GRIN2B: variants seen among roughly 807,000 people sequenced by gnomAD.
The protein encoded by GRIN2B is glutamate ionotropic receptor NMDA type subunit 2B.
Under a neutral mutation model 114.5 loss-of-function variants are expected in GRIN2B, and 5 were observed. The observed-to-expected ratio is 0.04, with a 90% CI of 0.02 to 0.09. The LOEUF is 0.09. Ranked by LOEUF, GRIN2B falls within the 10% of genes least tolerant of loss-of-function variation. The probability of loss-of-function intolerance (pLI) is 1.00; values close to 1 mark genes in which losing one functional copy is unlikely to be tolerated. For synonymous variants in GRIN2B, 787 were observed against 745.1 expected (o/e 1.06, Z -0.92); for missense variants, 1,108 against 1,943.5 (o/e 0.57, Z 8.08).
At chr12:13,790,425 A>G (rs992676287) in intron 3 of GRIN2B, among the ~76,000 whole-genome samples, 4 of 152,214 alleles carry the variant, frequency 2.6e-5, no homozygotes, top group African/African-American at 7.2e-5. Context: ...CACATTTAAT[A>G]GAAACAAAGA....
At chr12:13,736,785 C>T (rs1000189158) in intron 4 of GRIN2B, among the ~76,000 whole-genome samples, 3 of 152,000 alleles carry the variant, frequency 2.0e-5, no homozygotes, top group South Asian at 2.1e-4. Context: ...TTTGGGAGGC[C>T]AAGGCGGGTG....
intron 4 of GRIN2B, among the ~76,000 whole-genome samples, chr12:13,702,560 C>T (rs969007610): frequency 1.1e-4 from 16 of 151,764 alleles, no homozygotes; most frequent in African/African-American, 3.4e-4. Flanking sequence ...ATAAGCATTA[C>T]GATTTGAACA....
At chr12:13,721,279 G>A (rs1411317763) in intron 4 of GRIN2B, among the ~76,000 whole-genome samples, 1 of 151,960 alleles carries the variant, frequency 6.6e-6, no homozygotes, top group African/African-American at 2.4e-5. Flanking sequence ...AGTAAGGCAG[G>A]GAAGGTGTTG....
At chr12:13,657,361 C>T (rs965271117) in intron 5 of GRIN2B, among the ~76,000 whole-genome samples, 1 of 152,086 alleles carries the variant, frequency 6.6e-6, no homozygotes, top group African/African-American at 2.4e-5. Context: ...CCCAGGTGCT[C>T]ATCTATTATT....
chr12:13,754,544 A>G (rs773997780), intron 3 of GRIN2B, among the ~76,000 whole-genome samples: 2 of 151,564 alleles, frequency 1.3e-5, no homozygotes, highest in African/African-American at 2.4e-5. Context: ...AGGGAGAAGT[A>G]TACGTAGTAT....
At chr12:13,819,745 T>G (rs1413613531) in intron 3 of GRIN2B, among the ~76,000 whole-genome samples, 4 of 152,194 alleles carry the variant, frequency 2.6e-5, no homozygotes, top group Admixed American at 2.0e-4. Flanking sequence ...TTCACATTAG[T>G]TCATATTTTA....
chr12:13,640,479 G>A (rs1047201314), intron 5 of GRIN2B, among the ~76,000 whole-genome samples: 9 of 152,016 alleles, frequency 5.9e-5, no homozygotes, highest in Non-Finnish European at 8.8e-5. Context: ...CCCCATAGCT[G>A]TTGTCTCTGG....
chr12:13,694,484 T>C (rs1366757086), intron 4 of GRIN2B, among the ~76,000 whole-genome samples: 1 of 151,566 alleles, frequency 6.6e-6, no homozygotes, highest in Non-Finnish European at 1.5e-5. Context: ...TGTTACCTAA[T>C]ATAATCCCAT....
intron 2 of GRIN2B, among the ~76,000 whole-genome samples, chr12:13,904,260 C>T (rs1866503281): frequency 6.6e-6 from 1 of 151,798 alleles, no homozygotes; most frequent in Non-Finnish European, 1.5e-5. Context: ...AATATTTTAT[C>T]ATTTTTTATT....
intron 2 of GRIN2B, among the ~76,000 whole-genome samples, chr12:13,894,292 C>T (rs903123194): frequency 6.6e-6 from 1 of 152,070 alleles, no homozygotes; most frequent in Admixed American, 6.6e-5. Context: ...ATGTTCATTG[C>T]AACATCATTT....
intron 3 of GRIN2B, among the ~76,000 whole-genome samples, chr12:13,855,061 A>AAAAAAAAAAAAAG (rs1296544059): frequency 6.6e-6 from 1 of 150,596 alleles, no homozygotes; most frequent in African/African-American, 2.4e-5. Flanking sequence ...AAAAAAAAAA[A>AAAAAAAAAAAAAG]AAAAAAAATT....
chr12:13,799,363 A>G (rs1864467470), intron 3 of GRIN2B, among the ~76,000 whole-genome samples: 1 of 152,176 alleles, frequency 6.6e-6, no homozygotes, highest in African/African-American at 2.4e-5. Context: ...TGGTTCCCTC[A>G]GTCTCTTTCG....
rs367543147 is a variant in GRIN2B, at chr12:13,866,195, G to A, written c.14C>T (p.Ala5Val). The A allele has an allele frequency of 1.8e-5, 29 of 1,608,786 alleles. No homozygotes were observed. Among genetic ancestry groups the A allele is most frequent in the Middle Eastern group, 3.3e-4 (2 of 6,058 alleles). The change falls in exon 3 of 14, where the codon GCG (alanine) becomes GTG (valine). Residue 5 changes from alanine (A) to valine (V), a missense_variant. Physicochemically the swap from Ala to Val is moderately conservative, Grantham distance 64. This residue lies in a region of GRIN2B where 46 missense variants were observed against 44.4 expected (regional missense o/e 1.04). Transcript: ENST00000609686. MKPR[A>V]ECCSPKFWLV... ...CCAGAACTTGGGAGAACAGCACTCCGCTCTGGGCTTCATCTTCAACTCGTC... is the reference window on the plus strand; with the variant it reads ...CCAGAACTTGGGAGAACAGCACTCCACTCTGGGCTTCATCTTCAACTCGTC...
chr12:13,634,499 G>C (rs143574737), intron 5 of GRIN2B, among the ~76,000 whole-genome samples: 1 of 152,162 alleles, frequency 6.6e-6, no homozygotes, highest in South Asian at 2.1e-4. Context: ...GTCCCTAGGA[G>C]GTGTCTGCAT....
intron 2 of GRIN2B, among the ~76,000 whole-genome samples, chr12:13,953,594 G>T (rs1376771384): frequency 1.3e-5 from 2 of 152,184 alleles, no homozygotes; most frequent in African/African-American, 4.8e-5. Context: ...CCAAGAGATG[G>T]TGGGGGTGCT....
intron 2 of GRIN2B, among the ~76,000 whole-genome samples, chr12:13,900,008 T>G (rs1442114325): frequency 6.6e-6 from 1 of 152,216 alleles, no homozygotes; most frequent in African/African-American, 2.4e-5. Context: ...CCATGTGGTT[T>G]TCATGATGTT....
intron 3 of GRIN2B, among the ~76,000 whole-genome samples, chr12:13,768,982 C>T (rs1192738791): frequency 6.6e-6 from 1 of 151,960 alleles, no homozygotes; most frequent in African/African-American, 2.4e-5. Flanking sequence ...TGCAGTGAGC[C>T]GAGATCGCAC....
At chr12:13,791,515 A>G (rs1864321536) in intron 3 of GRIN2B, among the ~76,000 whole-genome samples, 1 of 152,144 alleles carries the variant, frequency 6.6e-6, no homozygotes, top group African/African-American at 2.4e-5. Context: ...TTTTAATGAC[A>G]GAAAGAACCA....
chr12:13,798,700 A>G (rs1475770517), intron 3 of GRIN2B, among the ~76,000 whole-genome samples: 1 of 152,188 alleles, frequency 6.6e-6, no homozygotes, highest in African/African-American at 2.4e-5. Flanking sequence ...TTTACACTCC[A>G]CAGAATTTAA....
Sources: gnomAD v4.1 joint callset for allele counts (sites outside exome capture counted in the v4.1 genomes callset) on GRCh38, gnomAD v4.1.1 for gene constraint, gnomAD v4.1.1 regional missense constraint, MANE v1.5 for transcripts, NCBI Gene and HGNC (gene_info 2026-07-23, HGNC 2026-07-21) for gene names.